Variants in SIGLEC12 observed in about 807,000 individuals in gnomAD.
SIGLEC12 encodes sialic acid binding Ig like lectin 12, also known as sialic acid-binding Ig-like lectin 12.
SIGLEC12 carries 43 observed loss-of-function variants against 54.1 expected under a neutral mutation model. The ratio of observed to expected loss-of-function variants is 0.80; its 90% CI spans 0.62 to 1.03. SIGLEC12 has a LOEUF of 1.03. SIGLEC12 is among the 50% of genes least tolerant of loss of function. The pLI is 0.00. For synonymous variants in SIGLEC12, 357 were observed against 307.6 expected, an observed-to-expected ratio of 1.16 and a Z score of -1.68; for missense variants, 802 against 735.2, an observed-to-expected ratio of 1.09 and a Z score of -1.05.
intron 7 of SIGLEC12, among the ~76,000 whole-genome samples, chr19:51,495,996 G>C (rs1329344036): frequency 6.6e-6 from 1 of 152,196 alleles, no homozygotes; most frequent in African/African-American, 2.4e-5. Flanking sequence ...GATGACACTG[G>C]AGTCCAGCGT....
rs61743134 is a variant in SIGLEC12, at chr19:51,500,248, A to C, written c.480T>G (p.Thr160=). 1.7e-3 allele frequency: 2,800 copies of C among 1,614,144 alleles called. 47 individuals are homozygous for C. In the African/African-American group the frequency reaches 0.033, roughly 19 times the overall value. Residue 160 remains threonine (T), a synonymous_variant, in exon 2 of 8, where the codon ACT becomes ACG. Transcript: ENST00000291707. ...CAGAGACACACAGACCCTCCTGCAC[A>C]GTCACCGACTCTGGCACCTCCAGCC... is the stretch of plus-strand genomic sequence containing the variant. The part of the protein sequence containing the change: ...RYRLEVPESV[T]VQEGLCVSVP...
chr19:51,498,313 G>T, intron 4 of SIGLEC12, 26 bp from the exon 5 acceptor site: 1 of 1,571,316 alleles, frequency 6.4e-7, no homozygotes. Flanking sequence ...CAGAAGGGCA[G>T]AGAGAGACAA....
chr19:51,496,622 G>A (rs940080385), intron 7 of SIGLEC12, among the ~76,000 whole-genome samples: 21 of 152,176 alleles, frequency 1.4e-4, no homozygotes, highest in Non-Finnish European at 2.8e-4. Context: ...GCTGTGGAAC[G>A]TCCCTCCAGG....
intron 7 of SIGLEC12, among the ~76,000 whole-genome samples, chr19:51,492,738 C>T (rs1016751663): frequency 2.0e-5 from 3 of 152,170 alleles, no homozygotes; most frequent in African/African-American, 4.8e-5. Flanking sequence ...ATGCAGGTGC[C>T]TCTAGAAGCT....
At chr19:51,493,429 T>G (rs941974538) in intron 7 of SIGLEC12, among the ~76,000 whole-genome samples, 1 of 152,196 alleles carries the variant, frequency 6.6e-6, no homozygotes, top group African/African-American at 2.4e-5. Flanking sequence ...GACTTCCAAA[T>G]TTACACCCAG....
chr19:51,500,767 C>T (rs1014658401), intron 1 of SIGLEC12, among the ~76,000 whole-genome samples: 5 of 151,590 alleles, frequency 3.3e-5, no homozygotes, highest in East Asian at 1.9e-4. Flanking sequence ...ATGGAGGGGC[C>T]GTGTGCTGAG....
chr19:51,496,935 C>T lies in SIGLEC12; in HGVS notation c.1544G>A (p.Gly515Asp), dbSNP rs553683145. The part of the protein sequence containing the change: ...CRKKSARPAV[G>D]VGDTGMEDAN... ...GTCCTCCATGCCTGTATCCCCCACG[C>T]CCACTGCTGGCCTTGCCGATTTCTT... The change falls in exon 7 of 8, where the codon GGC (glycine) becomes GAC (aspartate). Residue 515 changes from glycine (G) to aspartate (D), a missense_variant. Gly to Asp is a moderately conservative substitution (Grantham distance 94, BLOSUM62 -1). Coordinates refer to ENST00000291707, the MANE Select transcript of SIGLEC12 (RefSeq NM_053003.4). 5.9e-5 allele frequency: 96 copies of T among 1,613,732 alleles called. No individual in the cohort carries two copies. Among genetic ancestry groups the T allele is most frequent in the South Asian group, 5.5e-4 (50 of 91,046 alleles).
chr19:51,491,537 CT>C lies in SIGLEC12; in HGVS notation c.*103del. 2 of 1,109,040 alleles carry C rather than the reference CT, an allele frequency of 1.8e-6. No homozygotes were observed. The highest frequency in any genetic ancestry group is 2.7e-6 in the Non-Finnish European group (2 of 747,380). The allele number at this position is 1,109,040 out of a possible 1,614,324, so 68.7% of individuals were successfully genotyped here. ...GACAAGAGGAATAAGTTCTGATGTCCTGTTGCACAGCATGGAGGGCTGTTAA... is the reference window on the plus strand; with the variant it reads ...GACAAGAGGAATAAGTTCTGATGTCCGTTGCACAGCATGGAGGGCTGTTAA... On this transcript the variant is annotated 3_prime_UTR_variant, in exon 8 of 8. Transcript: ENST00000291707.
chr19:51,495,329 A>ATGGATGGATGGACGGACGGACGGGTGGG (rs1990208147), intron 7 of SIGLEC12, among the ~76,000 whole-genome samples: 1 of 91,934 alleles, frequency 1.1e-5, no homozygotes, highest in African/African-American at 3.8e-5. Flanking sequence ...GGATGGATGG[A>ATGGATGGATGGACGGACGGACGGGTGGG]TGGATGGATG....
In SIGLEC12 at chr19:51,498,079, A is replaced by G. The variant is rs949475861; in HGVS notation, c.1344T>C (p.Ala448=). The G allele has an allele frequency of 9.9e-6, 16 of 1,614,086 alleles. No individual in the cohort carries two copies. Among genetic ancestry groups the G allele is most frequent in the Middle Eastern group, 3.3e-4 (2 of 6,084 alleles). The change falls in exon 5 of 8, where the codon GCT becomes GCC. Residue 448 remains alanine, a synonymous_variant. Transcript: ENST00000291707. ...TGTGCTGGGAGCCTAGAGGGTTCTG[A>G]GCTCGGCAGGTGAATTCCCCTTCAT... The part of the protein sequence containing the change: ...VKDEGEFTCR[A]QNPLGSQHIS...
chr19:51,498,179 C>T lies in SIGLEC12; in HGVS notation c.1244G>A (p.Trp415Ter), dbSNP rs142754806. The T allele has an allele frequency of 2.5e-6, 4 of 1,614,246 alleles. No individual in the cohort carries two copies. The highest frequency in any genetic ancestry group is 2.2e-5 in the South Asian group (2 of 91,084). ...TGAGGGGCTCAGGGTCAGGCTCCCCCAGGTCCAGCTCAGCCTGGCAGGGGG... is the reference window on the plus strand; with the variant it reads ...TGAGGGGCTCAGGGTCAGGCTCCCCTAGGTCCAGCTCAGCCTGGCAGGGGG... ...SNPPARLSWT[W>*]GSLTLSPSQS... Residue 415 changes from tryptophan (W) to a stop codon, truncating the protein, a stop_gained, in exon 5 of 8, where the codon TGG (tryptophan) becomes TAG (stop). Coordinates refer to ENST00000291707, the MANE Select transcript of SIGLEC12 (RefSeq NM_053003.4). LOFTEE classifies it high-confidence loss of function.
chr19:51,498,461 C>A (rs1199001635), intron 4 of SIGLEC12, among the ~76,000 whole-genome samples, 174 bp from the exon 5 acceptor site: 1 of 152,218 alleles, frequency 6.6e-6, no homozygotes, highest in Non-Finnish European at 1.5e-5. Flanking sequence ...TTAATTAGAA[C>A]AATTTCACTC....
intron 1 of SIGLEC12, 124 bp from the exon 2 acceptor site, chr19:51,500,424 G>A: frequency 1.9e-6 from 3 of 1,558,598 alleles, no homozygotes; most frequent in Non-Finnish European, 2.6e-6. Context: ...GAAGGGGGAG[G>A]GAGAGGAGGG....
Position 51,499,196 on chromosome 19 carries a change from A to G in SIGLEC12, c.1109T>C (p.Met370Thr). Residue 370 changes from methionine to threonine, a missense_variant, in exon 4 of 8, where the codon ATG becomes ACG. By Grantham distance (81) the Met-to-Thr change is moderately conservative (BLOSUM62 -1). Coordinates refer to ENST00000291707, the MANE Select transcript of SIGLEC12 (RefSeq NM_053003.4). ...NISYPPQNLT[M>T]TVFQGDGTAS... The stretch of plus-strand genomic sequence containing the variant: ...TGTGCCATCTCCTTGGAAGACAGTC[A>G]TGGTCAAGTTCTGAGGAGGATCTGG... 6.2e-7 allele frequency: 1 copy of G among 1,614,100 alleles called. No individual in the cohort carries two copies. Among genetic ancestry groups the G allele is most frequent in the African/African-American group, 1.3e-5 (1 of 75,050 alleles).
rs766374944 is a variant in SIGLEC12, at chr19:51,499,438, A to G, written c.1087T>C (p.Tyr363His). Reference sequence around the variant, plus strand: ...CCAGACGTCCTGGCCCAGAACTCACAGGATATGTTGAGTCGGACAGCCCTG... The same window carrying G: ...CCAGACGTCCTGGCCCAGAACTCACGGGATATGTTGAGTCGGACAGCCCTG... The part of the protein sequence containing the change: ...MTRAVRLNIS[Y>H]PPQNLTMTVF... The change falls in exon 3 of 8, where the codon TAT (tyrosine) becomes CAT (histidine). Residue 363 changes from tyrosine (Y) to histidine (H), a missense_variant and splice_region_variant. Coordinates refer to ENST00000291707, the MANE Select transcript of SIGLEC12 (RefSeq NM_053003.4). 6.4e-7 allele frequency: 1 copy of G among 1,569,056 alleles called. No homozygotes were observed. Among genetic ancestry groups the G allele is most frequent in the Admixed American group, 2.0e-5 (1 of 50,592 alleles).
rs747862814 is a variant in SIGLEC12 at position 51,501,661 on chromosome 19, G to A, written c.73C>T (p.Leu25=). 2 of 1,614,158 alleles carry A rather than the reference G, an allele frequency of 1.2e-6. No homozygotes were observed. The highest frequency in any genetic ancestry group is 1.1e-5 in the South Asian group (1 of 91,090). ...GTCACGGACTTCTGCATTGTCAGCAGGTAATCCTTCTGTTCCTTAGCCCCC... is the reference window on the plus strand; with the variant it reads ...GTCACGGACTTCTGCATTGTCAGCAAGTAATCCTTCTGTTCCTTAGCCCCC... ...RVGAKEQKDY[L]LTMQKSVTVQ... is the part of the protein sequence containing the mutation. Residue 25 remains leucine (L), a synonymous_variant, in exon 1 of 8, where the codon CTG becomes TTG. Transcript: ENST00000291707.
Position 51,499,151 on chromosome 19 carries a change from G to A in SIGLEC12, c.1135+19C>T. 3.1e-6 allele frequency: 5 copies of A among 1,613,692 alleles called. No individual in the cohort carries two copies. Among genetic ancestry groups the A allele is most frequent in the Non-Finnish European group, 3.4e-6 (4 of 1,179,618 alleles). On this transcript the variant is annotated intron_variant, in intron 4 of 7. Coordinates refer to ENST00000291707, the MANE Select transcript of SIGLEC12 (RefSeq NM_053003.4). Reference sequence around the variant, plus strand: ...GAAGGCTCTGCTCCTCCAGCCCCAGGGAGAGGACTCCATCTTACCTGTGCC... The same window carrying A: ...GAAGGCTCTGCTCCTCCAGCCCCAGAGAGAGGACTCCATCTTACCTGTGCC...
chr19:51,497,740 A>G (rs2034889), intron 5 of SIGLEC12, among the ~76,000 whole-genome samples: 28,375 of 152,180 alleles, frequency 0.19, 2,715 homozygotes, highest in African/African-American at 0.23. Context: ...GAGTTGTTTT[A>G]TTTTTGGTTC....
intron 5 of SIGLEC12, 70 bp downstream of exon 5, chr19:51,497,948 C>T: frequency 6.3e-7 from 1 of 1,580,366 alleles, no homozygotes; most frequent in Non-Finnish European, 8.6e-7. Context: ...CAGGGAAATT[C>T]CAGGTCTCCC....
Sources: gnomAD v4.1 joint callset for allele counts (sites outside exome capture counted in the v4.1 genomes callset) on GRCh38, gnomAD v4.1.1 for gene constraint, MANE v1.5 for transcripts, NCBI Gene and HGNC (gene_info 2026-07-23, HGNC 2026-07-21) for gene names.